The following MALRD1 variants were observed in gnomAD, a reference collection of about 807,000 sequenced individuals.
MALRD1 encodes the protein MAM and LDL receptor class A domain containing 1, also known as MAM and LDL-receptor class A domain-containing protein 1.
Under a neutral mutation model 242.1 loss-of-function variants are expected in MALRD1, and 247 were observed. That is an observed-to-expected ratio of 1.02 (90% confidence interval 0.92 to 1.13). MALRD1 has a LOEUF of 1.13. Among genes scored for constraint, MALRD1 ranks in the 50% most tolerant of loss-of-function variants. The pLI is 0.00. For missense variants in MALRD1, 2,989 were observed against 2,533.1 expected, an observed-to-expected ratio of 1.18 and a Z score of -3.86; for synonymous variants, 995 against 866.6, an observed-to-expected ratio of 1.15 and a Z score of -2.60.
intron 26 of MALRD1, among the ~76,000 whole-genome samples, chr10:19,386,884 T>G (rs1034189741): frequency 6.6e-6 from 1 of 152,170 alleles, no homozygotes; most frequent in Non-Finnish European, 1.5e-5. Context: ...CAAACTCAGG[T>G]CTTCAAAAGC....
intron 36 of MALRD1, among the ~76,000 whole-genome samples, chr10:19,626,728 T>C (rs1433325532): frequency 6.8e-6 from 1 of 146,842 alleles, no homozygotes; most frequent in Non-Finnish European, 1.5e-5. Context: ...AATAAATGGA[T>C]AGAAAAAAAA....
chr10:19,363,538 T>A (rs1255380198), intron 26 of MALRD1, among the ~76,000 whole-genome samples: 1 of 152,168 alleles, frequency 6.6e-6, no homozygotes, highest in Non-Finnish European at 1.5e-5. Flanking sequence ...TTGCACTGTG[T>A]GTGTCTTCCT....
At chr10:19,587,020 T>A (rs966697496) in intron 33 of MALRD1, among the ~76,000 whole-genome samples, 4 of 152,206 alleles carry the variant, frequency 2.6e-5, no homozygotes, top group African/African-American at 9.6e-5. Context: ...TTTCTTTGAC[T>A]AGGAAAGGGA....
Position 19,124,659 on chromosome 10 carries a change from GTGA to G in MALRD1, c.939_941del (p.Asp313del). On this transcript the variant is annotated inframe_deletion, in exon 7 of 40. Coordinates refer to ENST00000454679, the MANE Select transcript of MALRD1 (RefSeq NM_001142308.3). ...TCCACACCTCAGCAGGATCAAGGAG[GTGA>G]TGATGAAGGTAGAAAAAAAAATAAT... is the stretch of plus-strand genomic sequence containing the variant. 1 of 1,233,626 alleles carries G rather than the reference GTGA, an allele frequency of 8.1e-7. No homozygotes were observed. The highest frequency in any genetic ancestry group is 1.0e-6 in the Non-Finnish European group (1 of 988,082). The allele number at this position is 1,233,626 out of a possible 1,614,324, so 76.4% of individuals were successfully genotyped here.
At chr10:19,587,178 A>T (rs1457319242) in intron 33 of MALRD1, among the ~76,000 whole-genome samples, 3 of 152,104 alleles carry the variant, frequency 2.0e-5, no homozygotes, top group African/African-American at 7.2e-5. Context: ...TGCAGAAATC[A>T]CCCATCTTCT....
chr10:19,101,276 A>G (rs1836240771), intron 4 of MALRD1, among the ~76,000 whole-genome samples: 1 of 146,832 alleles, frequency 6.8e-6, no homozygotes, highest in Non-Finnish European at 1.5e-5. Context: ...AATATATATA[A>G]TATGTAATAA....
At chr10:19,425,585 G>C (rs1362039967) in intron 28 of MALRD1, among the ~76,000 whole-genome samples, 1 of 152,084 alleles carries the variant, frequency 6.6e-6, no homozygotes, top group African/African-American at 2.4e-5. Flanking sequence ...GTTCTCGATG[G>C]GCTGCAGAGA....
At chr10:19,373,056 T>C (rs1256579180) in intron 26 of MALRD1, among the ~76,000 whole-genome samples, 1 of 151,892 alleles carries the variant, frequency 6.6e-6, no homozygotes, top group Non-Finnish European at 1.5e-5. Flanking sequence ...ATTTTAAAGA[T>C]GAAAAGTCTG....
intron 24 of MALRD1, among the ~76,000 whole-genome samples, chr10:19,334,274 C>T (rs1224840413): frequency 6.6e-6 from 1 of 151,264 alleles, no homozygotes; most frequent in African/African-American, 2.4e-5. Context: ...TGGTTTTCTT[C>T]TTGAATTTTT....
In MALRD1 at chr10:19,492,278, A is replaced by T. The variant is rs117028252; in HGVS notation, c.5158+633A>T. On this transcript the variant is annotated intron_variant, in intron 30 of 39. Coordinates refer to ENST00000454679, the MANE Select transcript of MALRD1 (RefSeq NM_001142308.3). ...GAAAAAAAGGATATTTTTTCCATTT[A>T]TCTTATCTTTCCTAGAGAATATTGA... Among the ~76,000 whole-genome samples, 370 of 152,102 alleles carry T rather than the reference A, an allele frequency of 2.4e-3. 7 individuals carry two copies. In the East Asian group the frequency reaches 0.05, roughly 21 times the overall value.
intron 5 of MALRD1, among the ~76,000 whole-genome samples, chr10:19,113,293 A>G (rs1230889303): frequency 6.6e-6 from 1 of 152,070 alleles, no homozygotes; most frequent in African/African-American, 2.4e-5. Context: ...CAGTAGTCCA[A>G]TGTCCTCCTT....
chr10:19,710,514 T>C (rs1238929255), intron 38 of MALRD1: 2 of 152,114 alleles, frequency 1.3e-5, no homozygotes, highest in African/African-American at 4.8e-5. Context: ...ATTTATTGAA[T>C]AATGCACACT....
At chr10:19,120,883 A>G (rs1837035238) in intron 5 of MALRD1, among the ~76,000 whole-genome samples, 1 of 152,052 alleles carries the variant, frequency 6.6e-6, no homozygotes, top group Admixed American at 6.6e-5. Flanking sequence ...AGCTGGGACT[A>G]CAGGCATGCA....
intron 28 of MALRD1, among the ~76,000 whole-genome samples, chr10:19,448,740 C>G (rs1835143647): frequency 6.6e-6 from 1 of 151,652 alleles, no homozygotes; most frequent in Non-Finnish European, 1.5e-5. Flanking sequence ...TTTATCTTTT[C>G]AATTAAAAAA....
intron 31 of MALRD1, among the ~76,000 whole-genome samples, chr10:19,519,249 G>GT (rs566967616): frequency 6.6e-6 from 1 of 151,728 alleles, no homozygotes; most frequent in Non-Finnish European, 1.5e-5. Context: ...ATGAATATCA[G>GT]TTTTTTTCTC....
intron 18 of MALRD1, among the ~76,000 whole-genome samples, chr10:19,256,557 T>C (rs888717392): frequency 6.6e-6 from 1 of 152,066 alleles, no homozygotes; most frequent in Non-Finnish European, 1.5e-5. Flanking sequence ...GTTCAAACAA[T>C]GTCAGGGGGA....
intron 8 of MALRD1, among the ~76,000 whole-genome samples, chr10:19,129,227 A>G (rs1306385210): frequency 6.6e-6 from 1 of 152,074 alleles, no homozygotes. Flanking sequence ...CCTCTTACCT[A>G]CCAGCTATAA....
At chr10:19,243,751 T>C (rs1838912261) in intron 18 of MALRD1, among the ~76,000 whole-genome samples, 1 of 152,170 alleles carries the variant, frequency 6.6e-6, no homozygotes, top group Non-Finnish European at 1.5e-5. Flanking sequence ...CAATTTTTCT[T>C]GGTCACCTAG....
intron 9 of MALRD1, among the ~76,000 whole-genome samples, chr10:19,134,221 T>C (rs1306785353): frequency 6.6e-6 from 1 of 152,144 alleles, no homozygotes; most frequent in African/African-American, 2.4e-5. Flanking sequence ...CACCATGCTG[T>C]GCCCCAGGGA....
Sources: gnomAD v4.1 joint callset for allele counts (sites outside exome capture counted in the v4.1 genomes callset) on GRCh38, gnomAD v4.1.1 for gene constraint, MANE v1.5 for transcripts, NCBI Gene and HGNC (gene_info 2026-07-23, HGNC 2026-07-21) for gene names.